Variants in CNTN1 observed in about 807,000 individuals in gnomAD.
CNTN1 encodes the protein contactin 1.
Under a neutral mutation model 126.4 loss-of-function variants are expected in CNTN1, and 38 were observed. The observed-to-expected ratio is 0.30, with a 90% CI of 0.23 to 0.39. CNTN1 has a LOEUF of 0.39. Ranked by LOEUF, CNTN1 falls within the 10% of genes least tolerant of loss-of-function variation. The probability of loss-of-function intolerance (pLI) is 1.00; values close to 1 mark genes in which losing one functional copy is unlikely to be tolerated. For synonymous variants in CNTN1, 413 were observed against 422.6 expected, an observed-to-expected ratio of 0.98 and a Z score of 0.28; for missense variants, 1,009 against 1,248.4, an observed-to-expected ratio of 0.81 and a Z score of 2.89.
intron 1 of CNTN1, among the ~76,000 whole-genome samples, chr12:40,836,637 C>A (rs565671905): frequency 4.6e-5 from 7 of 152,060 alleles, no homozygotes; most frequent in Non-Finnish European, 1.0e-4. Context: ...GGATAACTTC[C>A]TCAATGAAGA....
intron 19 of CNTN1, among the ~76,000 whole-genome samples, chr12:41,020,112 ATG>A (rs1479224375): frequency 6.6e-6 from 1 of 152,112 alleles, no homozygotes; most frequent in East Asian, 1.9e-4. Context: ...ATGTAAATGA[ATG>A]TGTGTGTGCA....
chr12:40,711,596 T>A (rs1371557579), intron 1 of CNTN1, among the ~76,000 whole-genome samples: 1 of 152,094 alleles, frequency 6.6e-6, no homozygotes, highest in Non-Finnish European at 1.5e-5. Flanking sequence ...CTCCTTAAAC[T>A]TTTGCACCCC....
chr12:41,048,946 T>C (rs546652735), intron 23 of CNTN1, among the ~76,000 whole-genome samples: 1 of 152,326 alleles, frequency 6.6e-6, no homozygotes, highest in East Asian at 1.9e-4. Context: ...AATCAGATTT[T>C]CACCACAACA....
chr12:40,750,415 A>G (rs1206353968), intron 1 of CNTN1, among the ~76,000 whole-genome samples: 1 of 152,112 alleles, frequency 6.6e-6, no homozygotes, highest in African/African-American at 2.4e-5. Flanking sequence ...AAAAGACATG[A>G]TGCATGAATA....
intron 4 of CNTN1, among the ~76,000 whole-genome samples, chr12:40,920,411 G>T (rs552266876): frequency 1.9e-4 from 29 of 151,774 alleles, no homozygotes; most frequent in African/African-American, 6.5e-4. Flanking sequence ...CTTTGAGTTT[G>T]GCCTGGTTAT....
chr12:40,700,239 T>G (rs1359896808), intron 1 of CNTN1, among the ~76,000 whole-genome samples: 1 of 152,114 alleles, frequency 6.6e-6, no homozygotes, highest in African/African-American at 2.4e-5. Flanking sequence ...ATTAAAATAT[T>G]TTTTTCAGCC....
At chr12:40,713,972 C>T (rs1941987750) in intron 1 of CNTN1, among the ~76,000 whole-genome samples, 1 of 152,048 alleles carries the variant, frequency 6.6e-6, no homozygotes, top group Non-Finnish European at 1.5e-5. Flanking sequence ...CAAGTGACCT[C>T]CCTGGTGGGT....
chr12:40,952,913 T>A (rs1270518392), intron 14 of CNTN1, among the ~76,000 whole-genome samples: 1 of 152,198 alleles, frequency 6.6e-6, no homozygotes, highest in Non-Finnish European at 1.5e-5. Context: ...GATGCACTTC[T>A]TTCCAAACAT....
intron 15 of CNTN1, among the ~76,000 whole-genome samples, chr12:40,976,180 A>C (rs757844480): frequency 1.2e-4 from 18 of 152,198 alleles, no homozygotes; most frequent in Non-Finnish European, 2.5e-4. Context: ...AGACTTTGCC[A>C]GGTCTAGTCA....
At chr12:40,926,753 G>C (rs532255693) in intron 6 of CNTN1, among the ~76,000 whole-genome samples, 1 of 152,110 alleles carries the variant, frequency 6.6e-6, no homozygotes, top group East Asian at 1.9e-4. Flanking sequence ...AGATAAAATA[G>C]AATATACTAA....
Position 40,989,220 on chromosome 12 carries a change from G to C in CNTN1, c.1964-3900G>C, listed in dbSNP as rs74076926. Reference sequence around the variant, plus strand: ...AAGAAGAAAGAGAAGAAGAGAAAAGGATCCAATAGTTCCTACCAGGGCTTA... The same window carrying C: ...AAGAAGAAAGAGAAGAAGAGAAAAGCATCCAATAGTTCCTACCAGGGCTTA... On this transcript the variant is annotated intron_variant, in intron 16 of 23. Coordinates refer to ENST00000551295, the MANE Select transcript of CNTN1 (RefSeq NM_001843.4). Among the ~76,000 whole-genome samples, 515 of 152,270 alleles carry C rather than the reference G, an allele frequency of 3.4e-3. 1 individual carries two copies. The highest frequency in any genetic ancestry group is 0.012 in the African/African-American group (503 of 41,568).
chr12:40,914,956 C>T (rs1465393352), intron 3 of CNTN1, among the ~76,000 whole-genome samples: 1 of 151,964 alleles, frequency 6.6e-6, no homozygotes, highest in Non-Finnish European at 1.5e-5. Flanking sequence ...GGCATGGCCT[C>T]ATCATTATTA....
chr12:40,766,042 T>A (rs1228444804), intron 1 of CNTN1, among the ~76,000 whole-genome samples: 1 of 152,068 alleles, frequency 6.6e-6, no homozygotes, highest in Non-Finnish European at 1.5e-5. Context: ...GCTTGACGGT[T>A]TTCTTGGCAA....
chr12:40,739,942 T>C (rs893584271), intron 1 of CNTN1, among the ~76,000 whole-genome samples: 5 of 152,072 alleles, frequency 3.3e-5, no homozygotes, highest in African/African-American at 1.2e-4. Context: ...CATATCTTGC[T>C]TTTGGATTGT....
At chr12:40,880,238 A>T (rs754876876) in intron 1 of CNTN1, among the ~76,000 whole-genome samples, 3 of 152,042 alleles carry the variant, frequency 2.0e-5, no homozygotes, top group Non-Finnish European at 4.4e-5. Flanking sequence ...ATTGTCAGTA[A>T]ACCTAAAATC....
chr12:40,879,916 G>A (rs146586026), intron 1 of CNTN1, among the ~76,000 whole-genome samples: 119 of 152,136 alleles, frequency 7.8e-4, no homozygotes, highest in African/African-American at 1.4e-3. Flanking sequence ...CAAGAAATTC[G>A]TAGTGATTAT....
At chr12:40,863,152 A>G (rs1437666835) in intron 1 of CNTN1, among the ~76,000 whole-genome samples, 1 of 152,164 alleles carries the variant, frequency 6.6e-6, no homozygotes, top group Admixed American at 6.5e-5. Context: ...TAATCTTAGA[A>G]TTATTGCCAA....
chr12:40,706,494 C>T (rs1941745334), intron 1 of CNTN1, among the ~76,000 whole-genome samples: 1 of 152,032 alleles, frequency 6.6e-6, no homozygotes, highest in African/African-American at 2.4e-5. Flanking sequence ...ATGTCCATGT[C>T]TCCCTTTCTT....
chr12:40,837,098 G>T (rs1390164255), intron 1 of CNTN1, among the ~76,000 whole-genome samples: 1 of 152,086 alleles, frequency 6.6e-6, no homozygotes, highest in African/African-American at 2.4e-5. Context: ...ATATAATGGG[G>T]CCAGTACAAT....
Sources: allele counts gnomAD v4.1 joint callset (sites outside exome capture counted in the v4.1 genomes callset), GRCh38; gene constraint gnomAD v4.1.1; transcripts MANE v1.5; gene names NCBI Gene and HGNC (gene_info 2026-07-23, HGNC 2026-07-21).